The following HACE1 variants were observed in gnomAD, a reference collection of about 807,000 sequenced individuals.
HACE1 encodes the protein HECT domain and ankyrin repeat containing E3 ubiquitin protein ligase 1.
HACE1 carries 73 observed loss-of-function variants against 118.4 expected under a neutral mutation model. The ratio of observed to expected loss-of-function variants is 0.62; its 90% CI spans 0.51 to 0.75. HACE1 has a LOEUF of 0.75. HACE1 is among the 30% of genes least tolerant of loss of function. The pLI, the probability that HACE1 is intolerant of heterozygous loss-of-function variation, is 0.00. For synonymous variants in HACE1, 368 were observed against 374.8 expected (o/e 0.98, Z 0.21); for missense variants, 749 against 1,102.2 (o/e 0.68, Z 4.54).
rs991660609 is a variant in HACE1, at chr6:104,728,124, T to C, written c.*1538A>G. 2 of 152,090 alleles carry C rather than the reference T, an allele frequency of 1.3e-5. No homozygotes were observed. The highest frequency in any genetic ancestry group is 6.6e-5 in the Admixed American group (1 of 15,246). The allele number at this position is 152,090 out of a possible 1,614,324, so 9.4% of individuals were successfully genotyped here. ...TATTTAATATTTTATTATCTATCTC[T>C]TTTACATAACTACTTGCAAAAAAAA... On this transcript the variant is annotated 3_prime_UTR_variant, in exon 24 of 24. Transcript: ENST00000262903.
intron 19 of HACE1, among the ~76,000 whole-genome samples, chr6:104,761,671 T>C (rs1255586814): frequency 6.6e-6 from 1 of 152,118 alleles, no homozygotes; most frequent in Non-Finnish European, 1.5e-5. Context: ...CCAAAAGCAA[T>C]GGCAACAAAA....
chr6:104,809,165 T>C (rs1771334712), intron 7 of HACE1, among the ~76,000 whole-genome samples: 1 of 152,222 alleles, frequency 6.6e-6, no homozygotes. Flanking sequence ...CAAAACACTG[T>C]ACTACACTTT....
At chr6:104,857,850 G>A (rs1186939572) in intron 1 of HACE1, among the ~76,000 whole-genome samples, 1 of 151,888 alleles carries the variant, frequency 6.6e-6, no homozygotes, top group East Asian at 1.9e-4. Flanking sequence ...CCAACTACTG[G>A]GAAGGCTGAG....
At chr6:104,827,790 A>G (rs1331181400) in intron 6 of HACE1, among the ~76,000 whole-genome samples, 1 of 152,142 alleles carries the variant, frequency 6.6e-6, no homozygotes, top group Non-Finnish European at 1.5e-5. Context: ...ATAGTTGAGC[A>G]CTGTTCCTTA....
intron 6 of HACE1, among the ~76,000 whole-genome samples, chr6:104,820,375 GA>G (rs1352616333): frequency 6.6e-6 from 1 of 151,866 alleles, no homozygotes. Context: ...TCTGCATAGC[GA>G]AAAAAACTAT....
intron 22 of HACE1, among the ~76,000 whole-genome samples, chr6:104,737,353 G>A (rs12207070): frequency 0.11 from 16,345 of 150,084 alleles, 912 homozygotes; most frequent in East Asian, 0.15. Flanking sequence ...GAACAGCTCC[G>A]GTCTACAGCT....
At chr6:104,739,098 C>T (rs1211099281) in intron 22 of HACE1, among the ~76,000 whole-genome samples, 6 of 151,878 alleles carry the variant, frequency 4.0e-5, no homozygotes, top group Non-Finnish European at 7.4e-5. Context: ...AAATAAAATA[C>T]TTTACAGACA....
intron 1 of HACE1, among the ~76,000 whole-genome samples, chr6:104,852,921 CT>C (rs1440078493): frequency 6.6e-6 from 1 of 152,076 alleles, no homozygotes; most frequent in Non-Finnish European, 1.5e-5. Flanking sequence ...AGTTTAGAAG[CT>C]TTTATGAAAG....
At chr6:104,734,142 C>CAAAAAAA (rs11370746) in intron 22 of HACE1, among the ~76,000 whole-genome samples, 4 of 87,148 alleles carry the variant, frequency 4.6e-5, no homozygotes, top group Non-Finnish European at 6.9e-5. Context: ...GACTCTTCCT[C>CAAAAAAA]AAAAAAAAAA....
intron 11 of HACE1, 71 bp downstream of exon 11, chr6:104,791,430 TTAA>T: frequency 1.5e-6 from 2 of 1,324,034 alleles, no homozygotes; most frequent in Non-Finnish European, 2.2e-6. Context: ...AGCTTTCTGA[TTAA>T]TGAATGCATG....
At chr6:104,842,170 G>A (rs1582738768) in intron 5 of HACE1, among the ~76,000 whole-genome samples, 2 of 152,118 alleles carry the variant, frequency 1.3e-5, no homozygotes. Context: ...CTAGCCAAGG[G>A]TAGTGAGACA....
chr6:104,785,600 TTTC>T, intron 11 of HACE1: 1 of 350,166 alleles, frequency 2.9e-6, no homozygotes, highest in Non-Finnish European at 5.3e-6. Flanking sequence ...ATTCACAATC[TTTC>T]TTCTTTTAAT....
chr6:104,804,530 A>G (rs1770778619), intron 7 of HACE1, among the ~76,000 whole-genome samples: 1 of 152,210 alleles, frequency 6.6e-6, no homozygotes, highest in Admixed American at 6.5e-5. Flanking sequence ...CCAATGGAAC[A>G]GAATAGAGCC....
chr6:104,775,989 G>A (rs733724), intron 17 of HACE1, among the ~76,000 whole-genome samples: 9,292 of 152,228 alleles, frequency 0.061, 359 homozygotes, highest in Middle Eastern at 0.12. Flanking sequence ...ACCTTCACTT[G>A]GAATATGTCT....
At chr6:104,839,898 C>T (rs1182728591) in intron 5 of HACE1, among the ~76,000 whole-genome samples, 2 of 152,072 alleles carry the variant, frequency 1.3e-5, no homozygotes, top group Non-Finnish European at 2.9e-5. Context: ...CCCAGCTACT[C>T]GGGAGACTGA....
intron 20 of HACE1, among the ~76,000 whole-genome samples, chr6:104,745,455 CT>C (rs370049285): frequency 1.5e-5 from 2 of 131,976 alleles, no homozygotes; most frequent in African/African-American, 3.1e-5. Flanking sequence ...TCAGGATTTC[CT>C]TTTTTTTTGA....
intron 6 of HACE1, among the ~76,000 whole-genome samples, chr6:104,831,984 A>AGAAGAGAAGAGAAG (rs201781305): frequency 1.7e-5 from 1 of 58,464 alleles, no homozygotes; most frequent in Non-Finnish European, 3.3e-5. Flanking sequence ...AGAAGAGAGG[A>AGAAGAGAAGAGAAG]AGGAAGGAAG....
intron 1 of HACE1, among the ~76,000 whole-genome samples, chr6:104,856,619 A>C (rs1456461025): frequency 6.6e-6 from 1 of 152,144 alleles, no homozygotes; most frequent in South Asian, 2.1e-4. Context: ...TATTTTTAGT[A>C]GAGCCGGGGG....
rs754975348 is a variant in HACE1, at chr6:104,771,149, GC to G, written c.2211+43del. 16 of 1,388,588 alleles carry G rather than the reference GC, an allele frequency of 1.2e-5. No individual in the cohort carries two copies. In the South Asian group the frequency reaches 1.7e-4, roughly 15 times the overall value. The allele number at this position is 1,388,588 out of a possible 1,614,324, so 86.0% of individuals were successfully genotyped here. On this transcript the variant is annotated intron_variant, in intron 19 of 23. Transcript: ENST00000262903. ...TTAGAGTAACTAGCAAACTATCAGG[GC>G]CAAGTTACAAACAATGGTTAAGGTA...
Sources: allele counts gnomAD v4.1 joint callset (sites outside exome capture counted in the v4.1 genomes callset), GRCh38; gene constraint gnomAD v4.1.1; transcripts MANE v1.5; gene names NCBI Gene and HGNC (gene_info 2026-07-23, HGNC 2026-07-21).